The following TESMIN variants were observed in gnomAD, a reference collection of about 807,000 sequenced individuals.
TESMIN encodes CXC domain containing 2.
TESMIN carries 34 observed loss-of-function variants against 47.4 expected under a neutral mutation model. That is an observed-to-expected ratio of 0.72 (90% CI 0.55 to 0.96). The LOEUF (loss-of-function observed/expected upper bound fraction) is 0.96, where lower values mean the gene tolerates loss of function less well. Among genes scored for constraint, TESMIN ranks in the 40% least tolerant of loss-of-function variants. The pLI is 0.00. For missense variants in TESMIN, 610 were observed against 637.2 expected (o/e 0.96, Z 0.46); for synonymous variants, 278 against 258.9 (o/e 1.07, Z -0.71).
chr11:68,742,435 G>T, intron 4 of TESMIN, 41 bp from the exon 5 acceptor site: 1 of 1,322,024 alleles, frequency 7.6e-7, no homozygotes, highest in Non-Finnish European at 1.1e-6. Context: ...AGCATCTATC[G>T]TTCCTCTTCC....
intron 4 of TESMIN, among the ~76,000 whole-genome samples, chr11:68,743,098 C>T (rs894591312): frequency 7.9e-5 from 12 of 152,082 alleles, no homozygotes; most frequent in African/African-American, 2.4e-4. Context: ...GACTGGTCTT[C>T]AACTACTGGG....
At position 68,722,552 on chromosome 11, in the gene TESMIN, C is replaced by G. The variant is rs552476578; in HGVS notation, c.918-6613G>C. Among the ~76,000 whole-genome samples the G allele has an allele frequency of 5.3e-5, 8 of 152,050 alleles. No homozygotes were observed. The South Asian group carries it at 1.7e-3, about 32-fold the overall frequency. ...AAAAAAAAAGTTGTTACAAATAAGT[C>G]CCTATGTGTCAATAATCAGACAAAG... On this transcript the variant is annotated intron_variant, in intron 6 of 9. Transcript: ENST00000255087.
At chr11:68,710,762 C>A (rs903766447) in intron 9 of TESMIN, 112 bp downstream of exon 9, 43 of 1,080,676 alleles carry the variant, frequency 4.0e-5, no homozygotes, top group Non-Finnish European at 5.3e-5. Flanking sequence ...CCCAAACACA[C>A]GCCCGCCCCT....
chr11:68,717,283 GC>G (rs1182183251), intron 6 of TESMIN, among the ~76,000 whole-genome samples: 5 of 152,246 alleles, frequency 3.3e-5, no homozygotes, highest in Non-Finnish European at 7.3e-5. Flanking sequence ...GCAGCTAAGT[GC>G]TGCCCTGGGG....
intron 8 of TESMIN, among the ~76,000 whole-genome samples, chr11:68,712,394 G>A (rs1297773225): frequency 6.6e-6 from 1 of 152,222 alleles, no homozygotes; most frequent in Non-Finnish European, 1.5e-5. Context: ...TTCAGTGCAT[G>A]TCTCCAGAAT....
intron 1 of TESMIN, 48 bp from the exon 2 acceptor site, chr11:68,750,747 GAGGGGC>G: frequency 1.1e-6 from 1 of 895,182 alleles, no homozygotes; most frequent in Non-Finnish European, 1.5e-6. Context: ...AGGACGAGGG[GAGGGGC>G]GGCCAGGAAA....
chr11:68,706,022 C>CAAAAAAAAAAAAAAAAAAAAAAAAAA (rs11306603), downstream of TESMIN, among the ~76,000 whole-genome samples: 1 of 84,440 alleles, frequency 1.2e-5, no homozygotes. Context: ...GACTCCGTCT[C>CAAAAAAAAAAAAAAAAAAAAAAAAAA]AAAAAAAAAA....
chr11:68,725,116 G>A (rs1189377026), intron 6 of TESMIN, among the ~76,000 whole-genome samples: 1 of 152,132 alleles, frequency 6.6e-6, no homozygotes, highest in Admixed American at 6.5e-5. Flanking sequence ...ATAAGAAGCA[G>A]AATTCATGTC....
chr11:68,748,146 G>A (rs1415509649), intron 2 of TESMIN, among the ~76,000 whole-genome samples: 1 of 152,194 alleles, frequency 6.6e-6, no homozygotes, highest in Admixed American at 6.5e-5. Flanking sequence ...AAAGATGGTG[G>A]CTCTAAGGTA....
chr11:68,717,444 C>T (rs1449085110), intron 6 of TESMIN, among the ~76,000 whole-genome samples: 1 of 152,174 alleles, frequency 6.6e-6, no homozygotes, highest in Non-Finnish European at 1.5e-5. Context: ...GACAACTCCA[C>T]TCCACAACAG....
At chr11:68,705,111 G>C (rs573857536), downstream of TESMIN, among the ~76,000 whole-genome samples, 1 of 152,206 alleles carries the variant, frequency 6.6e-6, no homozygotes, top group African/African-American at 2.4e-5. Flanking sequence ...TGGGGAGAGA[G>C]TGCAGCACGG....
At chr11:68,743,201 C>T (rs1017883607) in intron 4 of TESMIN, among the ~76,000 whole-genome samples, 28 of 151,504 alleles carry the variant, frequency 1.8e-4, no homozygotes, top group Non-Finnish European at 3.8e-4. Context: ...TTAAAGAAAG[C>T]CCAGGGACAT....
intron 6 of TESMIN, among the ~76,000 whole-genome samples, chr11:68,718,871 C>G (rs1946172391): frequency 6.6e-6 from 1 of 152,198 alleles, no homozygotes; most frequent in Admixed American, 6.5e-5. Context: ...GTTATACTCC[C>G]AATCTAAATT....
intron 1 of TESMIN, among the ~76,000 whole-genome samples, 168 bp downstream of exon 1, chr11:68,751,252 A>AG (rs1215847917): frequency 1.8e-4 from 5 of 27,074 alleles, no homozygotes; most frequent in Admixed American, 7.4e-4. Context: ...CAGCCAGGGG[A>AG]GGGGGGGCCA....
Position 68,745,111 on chromosome 11 carries a change from C to T in TESMIN, c.631G>A (p.Val211Met), listed in dbSNP as rs145721990. Residue 211 changes from valine (V) to methionine (M), a missense_variant and splice_region_variant, in exon 4 of 10, where the codon GTG (valine) becomes ATG (methionine). Physicochemically the swap from Val to Met is conservative, Grantham distance 21. Coordinates refer to ENST00000255087, the MANE Select transcript of TESMIN (RefSeq NM_004923.3). ...GTGCCCCCTTTCAATTGGCATATCACCTAAAATGAAAAAGAACAATCAGGT... is the reference window on the plus strand; with the variant it reads ...GTGCCCCCTTTCAATTGGCATATCATCTAAAATGAAAAAGAACAATCAGGT... ...CSLKKDSNPM[V>M]ICQLKGGTQM... 1.9e-6 allele frequency: 3 copies of T among 1,572,260 alleles called. No individual in the cohort carries two copies. The African/African-American group carries it at 4.2e-5, about 22-fold the overall frequency.
At chr11:68,742,434 C>T (rs758611216) in intron 4 of TESMIN, 40 bp from the exon 5 acceptor site, 10 of 1,323,744 alleles carry the variant, frequency 7.6e-6, no homozygotes, top group Middle Eastern at 2.0e-4. Flanking sequence ...TAGCATCTAT[C>T]GTTCCTCTTC....
At position 68,750,242 on chromosome 11, in the gene TESMIN, AG is replaced by A. The variant is rs1946573825; in HGVS notation, c.418del (p.Leu140TrpfsTer16). The part of the protein sequence containing the change: ...PAHRSPAVLP[L>X]GAWVLEGASH... ...GGCTCCTTCCAGGACCCAGGCGCCC[AG>A]GGGCAACACCGCCGGGCTGCGGTGC... On this transcript the variant is annotated frameshift_variant, in exon 2 of 10. Coordinates refer to ENST00000255087, the MANE Select transcript of TESMIN (RefSeq NM_004923.3). LOFTEE classifies it high-confidence loss of function. 1.3e-6 allele frequency: 2 copies of A among 1,533,468 alleles called. No homozygotes were observed. Among genetic ancestry groups the A allele is most frequent in the Middle Eastern group, 1.7e-4 (1 of 5,742 alleles). 95.0% of individuals were successfully genotyped at this position (1,533,468 alleles called of 1,614,324 possible).
chr11:68,718,312 A>G (rs1244587767), intron 6 of TESMIN, among the ~76,000 whole-genome samples: 1 of 152,206 alleles, frequency 6.6e-6, no homozygotes, highest in Non-Finnish European at 1.5e-5. Context: ...ACTAGGAGGA[A>G]AGTGGTATCA....
intron 4 of TESMIN, among the ~76,000 whole-genome samples, chr11:68,744,712 T>G (rs1265236024): frequency 1.3e-5 from 2 of 152,214 alleles, no homozygotes; most frequent in Admixed American, 6.5e-5. Flanking sequence ...ACCAATGCAG[T>G]GTCGGTCTGA....
Sources: allele counts gnomAD v4.1 joint callset (sites outside exome capture counted in the v4.1 genomes callset), GRCh38; gene constraint gnomAD v4.1.1; transcripts MANE v1.5; gene names NCBI Gene and HGNC (gene_info 2026-07-23, HGNC 2026-07-21).